C12orf42: variants seen among roughly 807,000 people sequenced by gnomAD.
C12orf42 encodes the protein uncharacterized protein C12orf42.
A neutral mutation model predicts 21.6 loss-of-function variants in C12orf42; 25 were observed. That is an observed-to-expected ratio of 1.16 (90% CI 0.84 to 1.62). C12orf42 has a LOEUF of 1.62. Among genes scored for constraint, C12orf42 ranks in the 40% most tolerant of loss-of-function variants. The pLI is 0.00. For synonymous variants in C12orf42, 174 were observed against 175.0 expected (o/e 0.99, Z 0.05); for missense variants, 483 against 459.3 (o/e 1.05, Z -0.47).
At chr12:103,332,881 C>G (rs920202946) in intron 4 of C12orf42, among the ~76,000 whole-genome samples, 1 of 152,084 alleles carries the variant, frequency 6.6e-6, no homozygotes, top group African/African-American at 2.4e-5. Context: ...GTTTGCTGAC[C>G]CTGGATTAGC....
the C12orf42 span, among the ~76,000 whole-genome samples, chr12:103,119,203 T>C: frequency 6.6e-6 from 1 of 152,236 alleles, no homozygotes; most frequent in Non-Finnish European, 1.5e-5. Flanking sequence ...AGCTGTGTAA[T>C]CTTGGATGCA....
chr12:103,107,264 C>T, the C12orf42 span, among the ~76,000 whole-genome samples: 4 of 151,704 alleles, frequency 2.6e-5, no homozygotes, highest in Non-Finnish European at 4.4e-5. Context: ...AAAATAAAAA[C>T]GATTAACTAT....
chr12:103,117,734 G>A, the C12orf42 span, among the ~76,000 whole-genome samples: 1 of 152,260 alleles, frequency 6.6e-6, no homozygotes, highest in African/African-American at 2.4e-5. Context: ...AGTGGTGGAG[G>A]GTAGAGGTGA....
intron 2 of C12orf42, among the ~76,000 whole-genome samples, chr12:103,455,027 T>G (rs1955678895): frequency 6.6e-6 from 1 of 152,200 alleles, no homozygotes; most frequent in Admixed American, 6.5e-5. Flanking sequence ...TTAACACATG[T>G]AAAGCAGTTA....
the C12orf42 span, among the ~76,000 whole-genome samples, chr12:103,524,986 C>A: frequency 6.7e-6 from 1 of 149,692 alleles, no homozygotes; most frequent in African/African-American, 2.5e-5. Context: ...GGGGGCAGGT[C>A]TGGGGAGATT....
the C12orf42 span, among the ~76,000 whole-genome samples, chr12:103,120,231 A>G: frequency 6.6e-6 from 1 of 152,208 alleles, no homozygotes; most frequent in Non-Finnish European, 1.5e-5. Flanking sequence ...CAATGTGTTA[A>G]GTGCAATAAT....
At chr12:103,437,106 C>T (rs1175989003) in intron 2 of C12orf42, among the ~76,000 whole-genome samples, 1 of 151,800 alleles carries the variant, frequency 6.6e-6, no homozygotes, top group African/African-American at 2.4e-5. Flanking sequence ...GAATCTCGCT[C>T]AAAACCGCTC....
the C12orf42 span, among the ~76,000 whole-genome samples, chr12:103,525,087 G>C: frequency 6.6e-6 from 1 of 151,966 alleles, no homozygotes; most frequent in African/African-American, 2.4e-5. Context: ...GCACAATCTC[G>C]GCTCACTGCA....
intron 2 of C12orf42, among the ~76,000 whole-genome samples, chr12:103,424,903 C>G (rs1415388349): frequency 6.6e-6 from 1 of 152,182 alleles, no homozygotes; most frequent in Admixed American, 6.5e-5. Flanking sequence ...GCAGATCCCA[C>G]CCCCATGGAA....
chr12:103,281,965 G>GAAAGAAAGAA (rs1566016350), intron 4 of C12orf42, among the ~76,000 whole-genome samples: 183 of 113,840 alleles, frequency 1.6e-3, no homozygotes, highest in African/African-American at 5.6e-3. Flanking sequence ...GAAAGAAAGA[G>GAAAGAAAGAA]ATCGATCCTA....
At chr12:103,334,361 T>A (rs1475322804) in intron 4 of C12orf42, among the ~76,000 whole-genome samples, 1 of 152,160 alleles carries the variant, frequency 6.6e-6, no homozygotes, top group South Asian at 2.1e-4. Flanking sequence ...TATTTTCTTA[T>A]CCCTTATCAA....
In C12orf42 at chr12:103,357,785, G is replaced by A. The variant is rs561189266; in HGVS notation, c.259+11102C>T. On this transcript the variant is annotated intron_variant, in intron 4 of 5. Coordinates refer to ENST00000548883, the MANE Select transcript of C12orf42 (RefSeq NM_198521.5). ...TTTACAAATAAGGCCAAGTAACAAC[G>A]TTATTCATAGAATAAATTTAGGCAG... Among the ~76,000 whole-genome samples the A allele has an allele frequency of 2.5e-4, 38 of 152,164 alleles. No individual in the cohort carries two copies. In the East Asian group the frequency reaches 5.6e-3, roughly 22 times the overall value.
chr12:103,184,720 C>G, the C12orf42 span, among the ~76,000 whole-genome samples: 1 of 141,604 alleles, frequency 7.1e-6, no homozygotes, highest in Admixed American at 7.1e-5. Context: ...CACCCCCCCC[C>G]CCCCAAATAT....
chr12:103,531,640 A>G, the C12orf42 span, among the ~76,000 whole-genome samples: 5 of 152,238 alleles, frequency 3.3e-5, no homozygotes, highest in Admixed American at 2.0e-4. Flanking sequence ...TTAACCTGGT[A>G]AATATTAAAA....
chr12:103,103,830 C>T, the C12orf42 span, among the ~76,000 whole-genome samples: 1 of 147,546 alleles, frequency 6.8e-6, no homozygotes, highest in East Asian at 2.0e-4. Flanking sequence ...CAGACGGAGT[C>T]TCGCTCTGTC....
chr12:103,191,194 A>C, the C12orf42 span, among the ~76,000 whole-genome samples: 1 of 152,162 alleles, frequency 6.6e-6, no homozygotes, highest in African/African-American at 2.4e-5. Flanking sequence ...TAAAGAAAAA[A>C]GGTTTCTCAG....
At chr12:103,470,005 T>C (rs761321743) in intron 2 of C12orf42, among the ~76,000 whole-genome samples, 1 of 152,186 alleles carries the variant, frequency 6.6e-6, no homozygotes, top group Non-Finnish European at 1.5e-5. Context: ...AAAAGTGACT[T>C]CAAAGAGCAT....
chr12:103,292,418 A>C (rs989892075), intron 4 of C12orf42, among the ~76,000 whole-genome samples: 11 of 152,152 alleles, frequency 7.2e-5, no homozygotes, highest in Non-Finnish European at 1.3e-4. Context: ...AAAATAAATA[A>C]ATAATTAAAA....
the C12orf42 span, among the ~76,000 whole-genome samples, chr12:103,216,581 T>C: frequency 6.6e-6 from 1 of 151,938 alleles, no homozygotes; most frequent in East Asian, 1.9e-4. Flanking sequence ...GGTTTCACCG[T>C]GTTAGCCAGG....
Sources: gnomAD v4.1 joint callset for allele counts (sites outside exome capture counted in the v4.1 genomes callset) on GRCh38, gnomAD v4.1.1 for gene constraint, MANE v1.5 for transcripts, NCBI Gene and HGNC (gene_info 2026-07-23, HGNC 2026-07-21) for gene names.